NOS1: variants seen among roughly 807,000 people sequenced by gnomAD.
NOS1 encodes NOS type I.
NOS1 carries 51 observed loss-of-function variants against 164.5 expected under a neutral mutation model. That is an observed-to-expected ratio of 0.31 (90% confidence interval 0.25 to 0.39). The LOEUF (loss-of-function observed/expected upper bound fraction) is 0.39, where lower values mean the gene tolerates loss of function less well. Among genes scored for constraint, NOS1 ranks in the 10% least tolerant of loss-of-function variants. The pLI is 1.00. For missense variants in NOS1, 1,362 were observed against 1,885.6 expected, an observed-to-expected ratio of 0.72 and a Z score of 5.14; for synonymous variants, 719 against 745.8, an observed-to-expected ratio of 0.96 and a Z score of 0.59.
At chr12:117,315,986 GA>G (rs1874650194) in intron 2 of NOS1, among the ~76,000 whole-genome samples, 1 of 152,176 alleles carries the variant, frequency 6.6e-6, no homozygotes, top group Non-Finnish European at 1.5e-5. Flanking sequence ...TGTGATGATG[GA>G]AATGTCTCAT....
Position 117,253,658 on chromosome 12 carries a change from A to G in NOS1, c.2628T>C (p.Ala876=), listed in dbSNP as rs1030803069. The change falls in exon 17 of 29, where the codon GCT becomes GCC. Residue 876 remains alanine (A), a synonymous_variant. Transcript: ENST00000317775. The part of the protein sequence containing the change: ...GPDLRDNFES[A]GPLANVRFSV... ...CTCACCTCACATTGGCCAGGGGTCCAGCACTCTCAAAGTTGTCTCTGAGGT... is the reference window on the plus strand; with the variant it reads ...CTCACCTCACATTGGCCAGGGGTCCGGCACTCTCAAAGTTGTCTCTGAGGT... 10 of 1,613,588 alleles carry G rather than the reference A, an allele frequency of 6.2e-6. No homozygotes were observed. Among genetic ancestry groups the G allele is most frequent in the Non-Finnish European group, 8.5e-6 (10 of 1,179,804 alleles).
At position 117,209,051 on chromosome 12, in the gene NOS1, CT is replaced by C; in HGVS notation, c.*6257del. On this transcript the variant is annotated 3_prime_UTR_variant, in exon 29 of 29. Transcript: ENST00000317775. ...GAGGGGTTTTTGAAAGCATACTGCC[CT>C]CCCCATGCCCCCTCCCCCGGACACC... is the stretch of plus-strand genomic sequence containing the variant. The C allele has an allele frequency of 5.1e-6, 5 of 985,300 alleles. No homozygotes were observed. The highest frequency in any genetic ancestry group is 6.0e-6 in the Non-Finnish European group (5 of 829,902). The allele number at this position is 985,300 out of a possible 1,614,324, so 61.0% of individuals were successfully genotyped here.
intron 3 of NOS1, among the ~76,000 whole-genome samples, chr12:117,290,809 C>T (rs905431618): frequency 2.6e-5 from 4 of 152,082 alleles, no homozygotes; most frequent in Admixed American, 6.6e-5. Flanking sequence ...CCCCCAGCAC[C>T]GAGGAATCAA....
intron 1 of NOS1, among the ~76,000 whole-genome samples, chr12:117,339,503 C>A (rs1184097181): frequency 6.6e-6 from 1 of 152,198 alleles, no homozygotes; most frequent in Non-Finnish European, 1.5e-5. Flanking sequence ...TATATCTTGG[C>A]CTGACAATTC....
chr12:117,293,803 G>A (rs924584245), intron 3 of NOS1, among the ~76,000 whole-genome samples: 3 of 152,072 alleles, frequency 2.0e-5, no homozygotes, highest in East Asian at 1.9e-4. Flanking sequence ...GCATGATAAA[G>A]GTTTGGGCGA....
chr12:117,270,082 A>G (rs1198973957), intron 10 of NOS1, among the ~76,000 whole-genome samples: 1 of 152,204 alleles, frequency 6.6e-6, no homozygotes, highest in Non-Finnish European at 1.5e-5. Context: ...TTACTTGCAA[A>G]AAAAGAACTC....
chr12:117,359,879 TA>T (rs1877043128), intron 1 of NOS1, among the ~76,000 whole-genome samples: 4 of 24,092 alleles, frequency 1.7e-4, no homozygotes, highest in Non-Finnish European at 2.4e-4. Context: ...AATGGTTTTA[TA>T]TATATATATA....
chr12:117,214,641 C>G lies in NOS1; in HGVS notation c.*668G>C. The G allele has an allele frequency of 1.0e-6, 1 of 985,386 alleles. No individual in the cohort carries two copies. The highest frequency in any genetic ancestry group is 1.2e-6 in the Non-Finnish European group (1 of 829,932). 61.0% of individuals were successfully genotyped at this position (985,386 alleles called of 1,614,324 possible). ...CACTCCTCTCCCCATGCCCTGAACC[C>G]TTTCTAACTAGAACAATTATGGGGC... On this transcript the variant is annotated 3_prime_UTR_variant, in exon 29 of 29. Coordinates refer to ENST00000317775, the MANE Select transcript of NOS1 (RefSeq NM_000620.5).
intron 1 of NOS1, among the ~76,000 whole-genome samples, chr12:117,337,278 G>A (rs1875879901): frequency 6.6e-6 from 1 of 151,900 alleles, no homozygotes; most frequent in African/African-American, 2.4e-5. Context: ...ACCATGCCCG[G>A]CTAATTTTTT....
chr12:117,234,786 G>A lies in NOS1; in HGVS notation c.3042-28C>T, dbSNP rs1223406529. The A allele has an allele frequency of 1.9e-6, 3 of 1,584,548 alleles. No homozygotes were observed. The South Asian group carries it at 3.4e-5, about 18-fold the overall frequency. The stretch of plus-strand genomic sequence containing the variant: ...GCAGGAAATTGCAGAGGAATCATAG[G>A]ACAAGGGCCAGCAGCTACTTCCTCC... On this transcript the variant is annotated intron_variant, in intron 20 of 28. Coordinates refer to ENST00000317775, the MANE Select transcript of NOS1 (RefSeq NM_000620.5). The surrounding 1 kb of genome is among the most constrained non-coding windows in gnomAD (Gnocchi z 4.3).
At chr12:117,258,375 G>T (rs376597481) in intron 16 of NOS1, 22 bp downstream of exon 16, 7 of 1,613,608 alleles carry the variant, frequency 4.3e-6, no homozygotes, top group Non-Finnish European at 5.1e-6. Context: ...GGCGGGTGAC[G>T]TCGGAGGGGT....
At chr12:117,339,128 C>T (rs1214177791) in intron 1 of NOS1, among the ~76,000 whole-genome samples, 1 of 152,212 alleles carries the variant, frequency 6.6e-6, no homozygotes, top group Non-Finnish European at 1.5e-5. Flanking sequence ...AGTGCTTTCT[C>T]CCATGCCGGT....
At chr12:117,310,237 C>T (rs12824048) in intron 3 of NOS1, among the ~76,000 whole-genome samples, 20,867 of 152,158 alleles carry the variant, frequency 0.14, 1,651 homozygotes, top group East Asian at 0.26. Context: ...ATAAGCCTGC[C>T]CATGTGCCAA....
At chr12:117,228,120 CAAGA>C (rs890950229) in intron 22 of NOS1, among the ~76,000 whole-genome samples, 5 of 151,692 alleles carry the variant, frequency 3.3e-5, no homozygotes, top group African/African-American at 1.2e-4. Flanking sequence ...AAGAAAAAAG[CAAGA>C]AAGAAAGAAA....
chr12:117,359,248 T>C (rs1317550673), intron 1 of NOS1, among the ~76,000 whole-genome samples: 3 of 150,874 alleles, frequency 2.0e-5, no homozygotes, highest in Non-Finnish European at 4.4e-5. Flanking sequence ...TTCAGGGACC[T>C]GCCGAGGCTT....
At chr12:117,262,484 A>AGG (rs751719964) in intron 13 of NOS1, among the ~76,000 whole-genome samples, 32 of 53,160 alleles carry the variant, frequency 6.0e-4, no homozygotes, top group African/African-American at 3.8e-3. Context: ...AGAAAGGGGG[A>AGG]GGGGGAGAGA....
chr12:117,222,423 T>C (rs111402231), intron 26 of NOS1, among the ~76,000 whole-genome samples: 59 of 152,166 alleles, frequency 3.9e-4, no homozygotes, highest in African/African-American at 1.3e-3. Context: ...GCCTGGCTAA[T>C]TTTTGCATTT....
chr12:117,255,896 C>A, intron 16 of NOS1: 1 of 1,287,740 alleles, frequency 7.8e-7, no homozygotes, highest in Non-Finnish European at 1.0e-6. Context: ...TGCATGCATA[C>A]ACTCGCACAC....
In NOS1 at chr12:117,218,074, T is replaced by C. The variant is rs1956639706; in HGVS notation, c.4261A>G (p.Ile1421Val). ...NRLRSESIAF[I>V]EESKKDTDEV... ...TCGGTGTCTTTTTTGCTCTCTTCAATGAAGGCAATGGACTCAGATCTAAGG... is the reference window on the plus strand; with the variant it reads ...TCGGTGTCTTTTTTGCTCTCTTCAACGAAGGCAATGGACTCAGATCTAAGG... Residue 1421 changes from isoleucine to valine, a missense_variant, in exon 28 of 29, where the codon ATT becomes GTT. Transcript: ENST00000317775. The C allele has an allele frequency of 2.5e-6, 4 of 1,614,132 alleles. No homozygotes were observed. The highest frequency in any genetic ancestry group is 3.4e-6 in the Non-Finnish European group (4 of 1,179,974).
Sources: gnomAD v4.1 joint callset for allele counts (sites outside exome capture counted in the v4.1 genomes callset) on GRCh38, gnomAD v4.1.1 for gene constraint, Gnocchi (gnomAD v3.1) non-coding constraint, MANE v1.5 for transcripts, NCBI Gene and HGNC (gene_info 2026-07-23, HGNC 2026-07-21) for gene names.